BBX: variants seen among roughly 807,000 people sequenced by gnomAD.
BBX encodes HMG box transcription factor BBX.
BBX carries 30 observed loss-of-function variants against 100.2 expected under a neutral mutation model. That is an observed-to-expected ratio of 0.30 (90% CI 0.22 to 0.41). BBX has a LOEUF of 0.41. Among genes scored for constraint, BBX ranks in the 10% least tolerant of loss-of-function variants. BBX has a pLI of 1.00. For missense variants in BBX, 1,023 were observed against 1,129.8 expected, an observed-to-expected ratio of 0.91 and a Z score of 1.35; for synonymous variants, 376 against 388.1, an observed-to-expected ratio of 0.97 and a Z score of 0.37.
chr3:107,624,324 T>C (rs566185834), intron 2 of BBX, among the ~76,000 whole-genome samples: 70 of 152,232 alleles, frequency 4.6e-4, no homozygotes, highest in Non-Finnish European at 7.5e-4. Flanking sequence ...GCTGTGCTCA[T>C]CAGCCTTGTT....
chr3:107,764,924 A>G (rs1010011421), intron 10 of BBX, among the ~76,000 whole-genome samples: 1 of 152,232 alleles, frequency 6.6e-6, no homozygotes, highest in Admixed American at 6.5e-5. Flanking sequence ...TGATGAGTGC[A>G]TCCAAAAGTA....
At chr3:107,671,952 G>T (rs1050938860) in intron 3 of BBX, among the ~76,000 whole-genome samples, 1 of 151,976 alleles carries the variant, frequency 6.6e-6, no homozygotes, top group Non-Finnish European at 1.5e-5. Context: ...GACAACTACA[G>T]AAAGATCAAC....
chr3:107,747,701 A>C (rs2064742257), intron 8 of BBX, among the ~76,000 whole-genome samples: 1 of 151,620 alleles, frequency 6.6e-6, no homozygotes, highest in Admixed American at 6.6e-5. Flanking sequence ...GGTCTCCTTA[A>C]CTGCTGTTTG....
At chr3:107,775,850 T>A (rs2067281672) in intron 12 of BBX, among the ~76,000 whole-genome samples, 1 of 152,164 alleles carries the variant, frequency 6.6e-6, no homozygotes, top group South Asian at 2.1e-4. Flanking sequence ...TTAAGATTAT[T>A]TTTATTGAAA....
At chr3:107,725,577 CT>C (rs1222183027) in intron 5 of BBX, among the ~76,000 whole-genome samples, 1 of 151,954 alleles carries the variant, frequency 6.6e-6, no homozygotes, top group Non-Finnish European at 1.5e-5. Context: ...AGAATATTGT[CT>C]TTTGTCACAT....
At chr3:107,534,310 G>A (rs988165690) in intron 2 of BBX, among the ~76,000 whole-genome samples, 1 of 152,198 alleles carries the variant, frequency 6.6e-6, no homozygotes, top group African/African-American at 2.4e-5. Context: ...ACTCACCCAA[G>A]TGTAGAGTTC....
chr3:107,677,896 C>T (rs2059368375), intron 3 of BBX, among the ~76,000 whole-genome samples: 1 of 152,058 alleles, frequency 6.6e-6, no homozygotes, highest in South Asian at 2.1e-4. Flanking sequence ...ACCCCAACGT[C>T]TTCTTTTTTG....
intron 3 of BBX, among the ~76,000 whole-genome samples, chr3:107,671,714 C>T (rs1428895202): frequency 2.6e-5 from 4 of 152,014 alleles, no homozygotes; most frequent in African/African-American, 4.8e-5. Context: ...TTATTAGATC[C>T]GTATAGCACT....
intron 2 of BBX, among the ~76,000 whole-genome samples, chr3:107,591,205 C>A (rs1248367949): frequency 2.0e-5 from 3 of 147,694 alleles, no homozygotes. Flanking sequence ...CTAAAGAAGA[C>A]CTTTTTAAGG....
intron 10 of BBX, among the ~76,000 whole-genome samples, chr3:107,766,022 G>A (rs1218401272): frequency 1.3e-5 from 2 of 152,178 alleles, no homozygotes; most frequent in Admixed American, 6.5e-5. Context: ...AAAGTGCTCA[G>A]AAGAAGATGC....
intron 15 of BBX, among the ~76,000 whole-genome samples, chr3:107,797,377 A>G (rs1331494066): frequency 3.8e-5 from 2 of 53,060 alleles, no homozygotes; most frequent in Admixed American, 2.2e-4. Flanking sequence ...TTTATTGCCA[A>G]TATCTACCTT....
chr3:107,646,547 G>C (rs979228130), intron 3 of BBX, among the ~76,000 whole-genome samples: 23 of 152,026 alleles, frequency 1.5e-4, no homozygotes, highest in Non-Finnish European at 2.9e-4. Flanking sequence ...TTAATGTATG[G>C]TAATAATATT....
chr3:107,628,088 T>A (rs2056314693), intron 2 of BBX, among the ~76,000 whole-genome samples: 1 of 152,078 alleles, frequency 6.6e-6, no homozygotes. Context: ...AAAGAGGTGG[T>A]ACCCATGGCA....
At position 107,733,016 on chromosome 3, in the gene BBX, C is replaced by A. The variant is rs753283314; in HGVS notation, c.662C>A (p.Thr221Lys). The change falls in exon 7 of 18, where the codon ACA becomes AAA. Residue 221 changes from threonine (T) to lysine (K), a missense_variant. This residue lies in a region of BBX where 95 missense variants were observed against 95.1 expected (regional missense o/e 1.00). Coordinates refer to ENST00000325805, the MANE Select transcript of BBX (RefSeq NM_001142568.3). ...LLLAGEHALG[T>K]PEVSSGTCRP... ...TTAGCTGGAGAACATGCTCTTGGCACACCAGAGGTAAGCCAGTCCTTTTCC... is the reference window on the plus strand; with the variant it reads ...TTAGCTGGAGAACATGCTCTTGGCAAACCAGAGGTAAGCCAGTCCTTTTCC... 4 of 1,612,616 alleles carry A rather than the reference C, an allele frequency of 2.5e-6. No homozygotes were observed. The highest frequency in any genetic ancestry group is 3.4e-6 in the Non-Finnish European group (4 of 1,179,280).
At chr3:107,658,915 G>A (rs1416606237) in intron 3 of BBX, among the ~76,000 whole-genome samples, 1 of 152,024 alleles carries the variant, frequency 6.6e-6, no homozygotes, top group African/African-American at 2.4e-5. Flanking sequence ...TATATTCTTT[G>A]CATAGTCTGT....
intron 3 of BBX, among the ~76,000 whole-genome samples, chr3:107,647,853 G>A (rs979148622): frequency 6.6e-6 from 1 of 152,148 alleles, no homozygotes; most frequent in Non-Finnish European, 1.5e-5. Context: ...AAAGCTGAAG[G>A]AGCAGTCTTT....
chr3:107,717,687 C>T (rs58485349), intron 5 of BBX, among the ~76,000 whole-genome samples: 51,886 of 151,846 alleles, frequency 0.34, 9,782 homozygotes, highest in African/African-American at 0.49. Context: ...AGAATGATAG[C>T]AGTTACTAAA....
chr3:107,663,019 A>G (rs1338278534), intron 3 of BBX: 1 of 152,230 alleles, frequency 6.6e-6, no homozygotes, highest in Non-Finnish European at 1.5e-5. Context: ...TATAGATACA[A>G]GAATATTTAT....
At chr3:107,703,923 G>A (rs1367026993) in intron 3 of BBX, among the ~76,000 whole-genome samples, 1 of 152,140 alleles carries the variant, frequency 6.6e-6, no homozygotes, top group African/African-American at 2.4e-5. Flanking sequence ...GCCCCTTAAT[G>A]CTTCCTTTTG....
Sources: gnomAD v4.1 joint callset for allele counts (sites outside exome capture counted in the v4.1 genomes callset) on GRCh38, gnomAD v4.1.1 for gene constraint, gnomAD v4.1.1 regional missense constraint, MANE v1.5 for transcripts, NCBI Gene and HGNC (gene_info 2026-07-23, HGNC 2026-07-21) for gene names.